The following SOS1 variants were observed in gnomAD, a reference collection of about 807,000 sequenced individuals.
The protein encoded by SOS1 is son of sevenless homolog 1.
In SOS1, 25 loss-of-function variants were observed where a neutral mutation model predicts 157.6. That is an observed-to-expected ratio of 0.16 (90% CI 0.12 to 0.22). The LOEUF (loss-of-function observed/expected upper bound fraction) is 0.22. Ranked by LOEUF, SOS1 falls within the 10% of genes least tolerant of loss-of-function variation. The pLI, the probability that SOS1 is intolerant of heterozygous loss-of-function variation, is 1.00. For synonymous variants in SOS1, 528 were observed against 534.0 expected, an observed-to-expected ratio of 0.99 and a Z score of 0.16; for missense variants, 1,237 against 1,599.1, an observed-to-expected ratio of 0.77 and a Z score of 3.86.
intron 1 of SOS1, among the ~76,000 whole-genome samples, chr2:39,111,484 T>C (rs914695605): frequency 2.2e-4 from 33 of 152,220 alleles, no homozygotes; most frequent in Admixed American, 2.1e-3. Context: ...ATTTTGTCTA[T>C]AGCTGTAATA....
chr2:39,065,322 G>A (rs1671556390), intron 2 of SOS1, among the ~76,000 whole-genome samples: 1 of 152,132 alleles, frequency 6.6e-6, no homozygotes, highest in Non-Finnish European at 1.5e-5. Context: ...CTCCACTGTG[G>A]TGGTATTAAG....
At chr2:39,035,573 G>C in intron 6 of SOS1, 73 bp from the exon 7 acceptor site, 1 of 1,035,996 alleles carries the variant, frequency 9.7e-7, no homozygotes, top group Non-Finnish European at 1.5e-6. Context: ...TATGGGGCAC[G>C]ACTATGCGAG....
At position 38,995,909 on chromosome 2, in the gene SOS1, G is replaced by A. The variant is rs1668875710; in HGVS notation, c.3082-522C>T. 2.0e-5 allele frequency among the ~76,000 whole-genome samples: 3 copies of A among 152,232 alleles called. No homozygotes were observed. In the South Asian group the frequency reaches 6.2e-4, roughly 32 times the overall value. ...GCAAAATGATCATTTCTCAGTGAGT[G>A]CTTCATTGGATCAGATTATATACCT... On this transcript the variant is annotated intron_variant, in intron 19 of 22. Transcript: ENST00000402219.
chr2:39,055,236 G>A (rs1381636950), intron 4 of SOS1, among the ~76,000 whole-genome samples: 1 of 152,076 alleles, frequency 6.6e-6, no homozygotes, highest in Non-Finnish European at 1.5e-5. Context: ...CATTTGTTGG[G>A]AATAGGTCAA....
At chr2:39,056,526 A>G (rs1671218839) in intron 4 of SOS1, among the ~76,000 whole-genome samples, 176 bp downstream of exon 4, 1 of 152,240 alleles carries the variant, frequency 6.6e-6, no homozygotes, top group South Asian at 2.1e-4. Flanking sequence ...ACACATTTTA[A>G]TATTATATAT....
chr2:39,006,822 T>C (rs1241364608), intron 16 of SOS1, among the ~76,000 whole-genome samples: 1 of 152,208 alleles, frequency 6.6e-6, no homozygotes, highest in Non-Finnish European at 1.5e-5. Context: ...TTCTTCTAGC[T>C]TAGGCTGGGA....
At chr2:39,103,405 T>C (rs1673046916) in intron 1 of SOS1, among the ~76,000 whole-genome samples, 1 of 152,128 alleles carries the variant, frequency 6.6e-6, no homozygotes. Flanking sequence ...CAGAACTTAC[T>C]ACAATGCTAC....
At chr2:39,079,743 T>C (rs1672137758) in intron 1 of SOS1, among the ~76,000 whole-genome samples, 1 of 152,172 alleles carries the variant, frequency 6.6e-6, no homozygotes, top group Non-Finnish European at 1.5e-5. Flanking sequence ...TCTGCCCACC[T>C]TGGCCTCCCA....
chr2:39,121,522 G>A (rs1276658265), upstream of SOS1, among the ~76,000 whole-genome samples: 1 of 152,200 alleles, frequency 6.6e-6, no homozygotes, highest in Non-Finnish European at 1.5e-5. Context: ...ATAATAAAAT[G>A]TGTACGTGTA....
In SOS1 at chr2:38,985,730, C is replaced by G. The variant is rs972666227; in HGVS notation, c.*94G>C. ...AGAAGAGTCGTTAGTGTTTGGAGTTCTCATTTTAACTCCTCAGTGCTGGCA... is the reference window on the plus strand; with the variant it reads ...AGAAGAGTCGTTAGTGTTTGGAGTTGTCATTTTAACTCCTCAGTGCTGGCA... On this transcript the variant is annotated 3_prime_UTR_variant, in exon 23 of 23. Coordinates refer to ENST00000402219, the MANE Select transcript of SOS1 (RefSeq NM_005633.4). 3.4e-4 allele frequency: 405 copies of G among 1,192,008 alleles called. No homozygotes were observed. Among genetic ancestry groups the G allele is most frequent in the Middle Eastern group, 5.0e-4 (2 of 3,992 alleles). 73.8% of individuals were successfully genotyped at this position (1,192,008 alleles called of 1,614,324 possible).
intron 5 of SOS1, among the ~76,000 whole-genome samples, chr2:39,053,155 G>GA (rs879359070): frequency 6.1e-5 from 9 of 146,534 alleles, no homozygotes; most frequent in Non-Finnish European, 7.6e-5. Flanking sequence ...TACGTCTCAA[G>GA]AAAAAAAAAA....
intron 2 of SOS1, among the ~76,000 whole-genome samples, chr2:39,062,528 A>G (rs1354910997): frequency 6.6e-6 from 1 of 151,342 alleles, no homozygotes; most frequent in Non-Finnish European, 1.5e-5. Context: ...ATGAACGGAA[A>G]ACGAAAGCAG....
At chr2:39,045,255 A>G (rs62145460) in intron 6 of SOS1, among the ~76,000 whole-genome samples, 1,673 of 18,336 alleles carry the variant, frequency 0.091, 11 homozygotes, top group African/African-American at 0.17. Context: ...AGAGAGAGAG[A>G]GAGAGAGAGA....
chr2:39,109,129 G>T (rs572886283), intron 1 of SOS1, among the ~76,000 whole-genome samples: 7 of 152,304 alleles, frequency 4.6e-5, no homozygotes, highest in African/African-American at 1.7e-4. Flanking sequence ...ACCCCAGGAA[G>T]TTGGGGCTGC....
chr2:38,997,029 C>T lies in SOS1; in HGVS notation c.2974G>A (p.Glu992Lys), dbSNP rs1558460622. ...CTATTTCCCATCGGATTCAAGTTTT[C>T]AAAGAACCTCTAAAATAAATGCAAA... ...RVESDIKRFFENLNPMGNSME... is the reference protein window; with the variant it reads ...RVESDIKRFFKNLNPMGNSME... The change falls in exon 19 of 23, where the codon GAA (glutamate) becomes AAA (lysine). Residue 992 changes from glutamate (E) to lysine (K), a missense_variant. Physicochemically the swap from Glu to Lys is moderately conservative, Grantham distance 56. Coordinates refer to ENST00000402219, the MANE Select transcript of SOS1 (RefSeq NM_005633.4). The T allele has an allele frequency of 1.3e-6, 2 of 1,531,146 alleles. No individual in the cohort carries two copies. The highest frequency in any genetic ancestry group is 1.8e-6 in the Non-Finnish European group (2 of 1,106,314). 94.8% of individuals were successfully genotyped at this position (1,531,146 alleles called of 1,614,324 possible). A position where few individuals can be genotyped will look rare whatever the true frequency, so the allele number is the denominator to read the frequency against.
Position 39,064,842 on chromosome 2 carries a change from G to A in SOS1, c.213+2786C>T, listed in dbSNP as rs181858990. On this transcript the variant is annotated intron_variant, in intron 2 of 22. Coordinates refer to ENST00000402219, the MANE Select transcript of SOS1 (RefSeq NM_005633.4). ...TGGCTCACTGCAACTTCTGCCTCCC[G>A]GGTTCAAGTGGTTCTCCTGCCTCAG... Among the ~76,000 whole-genome samples the A allele has an allele frequency of 1.6e-3, 207 of 129,520 alleles. 1 individual carries two copies. Among genetic ancestry groups the A allele is most frequent in the African/African-American group, 5.6e-3 (188 of 33,612 alleles). 85.0% of individuals were successfully genotyped at this position (129,520 alleles called of 152,430 possible).
At chr2:39,060,882 C>A (rs1373074691) in intron 2 of SOS1, among the ~76,000 whole-genome samples, 1 of 150,246 alleles carries the variant, frequency 6.7e-6, no homozygotes, top group Non-Finnish European at 1.5e-5. Flanking sequence ...TAGAGAAGGA[C>A]AGAAGTTGAA....
At chr2:39,045,773 G>C (rs1436982770) in intron 6 of SOS1, among the ~76,000 whole-genome samples, 3 of 152,152 alleles carry the variant, frequency 2.0e-5, no homozygotes, top group Non-Finnish European at 4.4e-5. Flanking sequence ...GCAGTGGCAT[G>C]ATCTAGGCTC....
chr2:39,073,522 A>G (rs767530300), intron 1 of SOS1, among the ~76,000 whole-genome samples: 2 of 152,214 alleles, frequency 1.3e-5, no homozygotes, highest in Non-Finnish European at 2.9e-5. Flanking sequence ...AGGAGTAATC[A>G]CTATATTCAA....
Sources: allele counts gnomAD v4.1 joint callset (sites outside exome capture counted in the v4.1 genomes callset), GRCh38; gene constraint gnomAD v4.1.1; transcripts MANE v1.5; gene names NCBI Gene and HGNC (gene_info 2026-07-23, HGNC 2026-07-21).